The following OPCML variants were observed in gnomAD, a reference collection of about 807,000 sequenced individuals.
OPCML encodes opioid binding protein/cell adhesion molecule like.
A neutral mutation model predicts 37.8 loss-of-function variants in OPCML; 13 were observed. The observed-to-expected ratio is 0.34, with a 90% CI of 0.22 to 0.55. The LOEUF (loss-of-function observed/expected upper bound fraction) is 0.55. OPCML is among the 20% of genes least tolerant of loss of function. The probability of loss-of-function intolerance (pLI) is 0.91; values close to 1 mark genes in which losing one functional copy is unlikely to be tolerated. For synonymous variants in OPCML, 176 were observed against 168.8 expected (o/e 1.04, Z -0.33); for missense variants, 341 against 435.6 (o/e 0.78, Z 1.93).
At chr11:132,674,966 G>T (rs528422364) in intron 2 of OPCML, among the ~76,000 whole-genome samples, 38 of 152,004 alleles carry the variant, frequency 2.5e-4, no homozygotes, top group African/African-American at 8.9e-4. Flanking sequence ...TCCACTTACC[G>T]TTTTTAAATC....
chr11:133,299,925 G>A (rs556010240), intron 1 of OPCML: 1 of 152,242 alleles, frequency 6.6e-6, no homozygotes, highest in South Asian at 2.1e-4. Context: ...GAAGTTGAGG[G>A]TCCTTGGTAT....
At chr11:132,469,351 C>T (rs1237675390) in intron 4 of OPCML, among the ~76,000 whole-genome samples, 1 of 152,100 alleles carries the variant, frequency 6.6e-6, no homozygotes, top group East Asian at 1.9e-4. Context: ...CAGGGCAGGG[C>T]TCACACATGT....
At chr11:132,996,527 G>C (rs193216120) in intron 1 of OPCML, among the ~76,000 whole-genome samples, 1 of 149,870 alleles carries the variant, frequency 6.7e-6, no homozygotes, top group African/African-American at 2.5e-5. Flanking sequence ...CAAAAGAATC[G>C]CTTGAACCCG....
At chr11:132,533,872 A>C (rs1345915635) in intron 3 of OPCML, among the ~76,000 whole-genome samples, 1 of 152,146 alleles carries the variant, frequency 6.6e-6, no homozygotes, top group Non-Finnish European at 1.5e-5. Context: ...TTCCCAAGAC[A>C]ATCTTGTTTA....
At chr11:132,984,140 T>C (rs1047432055) in intron 1 of OPCML, among the ~76,000 whole-genome samples, 1 of 152,196 alleles carries the variant, frequency 6.6e-6, no homozygotes, top group African/African-American at 2.4e-5. Context: ...CCAGAAAGCT[T>C]AGTGACTATT....
At position 133,211,126 on chromosome 11, in the gene OPCML, A is replaced by G. The variant is rs1223768935; in HGVS notation, c.62-268116T>C. ...CCCACTGCAACTCAGCTTTCTAATC[A>G]TTCGTGATTGATGAGCCTGCCAGAA... On this transcript the variant is annotated intron_variant, in intron 1 of 7. Transcript: ENST00000524381. This position sits in a 1 kb window ranked among gnomAD's most constrained non-coding sequence, Gnocchi z 4.1. Among the ~76,000 whole-genome samples the G allele has an allele frequency of 1.3e-5, 2 of 152,216 alleles. No homozygotes were observed. Among genetic ancestry groups the G allele is most frequent in the Non-Finnish European group, 2.9e-5 (2 of 68,040 alleles).
intron 1 of OPCML, among the ~76,000 whole-genome samples, chr11:133,491,680 T>A (rs1947663978): frequency 6.6e-6 from 1 of 152,146 alleles, no homozygotes; most frequent in Non-Finnish European, 1.5e-5. Flanking sequence ...ATGATGAGGT[T>A]TGAAATCTTC....
chr11:133,115,426 C>T lies in OPCML; in HGVS notation c.62-172416G>A, dbSNP rs560824050. On this transcript the variant is annotated intron_variant, in intron 1 of 7. Transcript: ENST00000524381. ...GGAACCGATCTCCCCGGAGTAGATT[C>T]AGTGCCTAGAATTTCTACGGAAGCC... 1.5e-4 allele frequency among the ~76,000 whole-genome samples: 23 copies of T among 152,314 alleles called. No homozygotes were observed. In the South Asian group the frequency reaches 4.8e-3, roughly 32 times the overall value.
chr11:133,011,378 T>C (rs1255016389), intron 1 of OPCML, among the ~76,000 whole-genome samples: 2 of 152,172 alleles, frequency 1.3e-5, no homozygotes, highest in African/African-American at 2.4e-5. Context: ...ACTGCAGGTG[T>C]TGAGGCTGCA....
At chr11:132,571,535 T>C (rs1021874032) in intron 3 of OPCML, among the ~76,000 whole-genome samples, 2 of 152,200 alleles carry the variant, frequency 1.3e-5, no homozygotes, top group African/African-American at 4.8e-5. Context: ...TTTGTCTTTC[T>C]GTGTCTAGCT....
rs1181204912 is a variant in OPCML, at chr11:133,022,918, C to T, written c.62-79908G>A. 2.0e-5 allele frequency among the ~76,000 whole-genome samples: 3 copies of T among 152,172 alleles called. No homozygotes were observed. The East Asian group carries it at 5.8e-4, about 29-fold the overall frequency. On this transcript the variant is annotated intron_variant, in intron 1 of 7. Coordinates refer to ENST00000524381, the MANE Select transcript of OPCML (RefSeq NM_001012393.5). ...GAGAGGAAATGCTTGGAATCATGGG[C>T]TCTTGCTAGCAATACAGGGAATGCT...
intron 1 of OPCML, among the ~76,000 whole-genome samples, chr11:132,970,793 C>A (rs1232967736): frequency 6.6e-6 from 1 of 152,128 alleles, no homozygotes; most frequent in Admixed American, 6.5e-5. Context: ...TTAAATCTTA[C>A]CTTCCTCTAG....
At chr11:133,101,367 T>C (rs1245090606) in intron 1 of OPCML, among the ~76,000 whole-genome samples, 3 of 152,180 alleles carry the variant, frequency 2.0e-5, no homozygotes, top group Non-Finnish European at 4.4e-5. Context: ...TGGGAGAAAA[T>C]ATTTGTTAAA....
At chr11:132,809,441 T>A (rs191119616) in intron 2 of OPCML, among the ~76,000 whole-genome samples, 18 of 152,300 alleles carry the variant, frequency 1.2e-4, no homozygotes, top group African/African-American at 3.4e-4. Flanking sequence ...CCAGGCCAAG[T>A]GCTAAGTGCT....
intron 1 of OPCML, among the ~76,000 whole-genome samples, chr11:133,350,237 C>T (rs1241038346): frequency 6.6e-6 from 1 of 152,158 alleles, no homozygotes; most frequent in African/African-American, 2.4e-5. Flanking sequence ...AATTTAAGTG[C>T]CACTGGGATC....
chr11:132,751,516 G>A (rs1334224208), intron 2 of OPCML, among the ~76,000 whole-genome samples: 1 of 152,190 alleles, frequency 6.6e-6, no homozygotes, highest in Admixed American at 6.5e-5. Context: ...ATCTGCATAT[G>A]GTAAGAGTCT....
intron 2 of OPCML, among the ~76,000 whole-genome samples, chr11:132,711,174 A>T (rs187768854): frequency 7.2e-4 from 110 of 152,324 alleles, no homozygotes; most frequent in African/African-American, 2.4e-3. Context: ...AATGACAGGG[A>T]TATTTTAAAA....
At chr11:132,703,237 G>A (rs1943900535) in intron 2 of OPCML, among the ~76,000 whole-genome samples, 1 of 152,080 alleles carries the variant, frequency 6.6e-6, no homozygotes, top group Admixed American at 6.6e-5. Flanking sequence ...TAGGCTATAG[G>A]CATGTTGTTA....
chr11:133,237,353 G>A (rs1208160094), intron 1 of OPCML, among the ~76,000 whole-genome samples: 1 of 152,194 alleles, frequency 6.6e-6, no homozygotes, highest in East Asian at 1.9e-4. Context: ...GACAAAGCAA[G>A]GGTTCAGTGA....
Sources: allele counts gnomAD v4.1 joint callset (sites outside exome capture counted in the v4.1 genomes callset), GRCh38; gene constraint gnomAD v4.1.1; non-coding constraint Gnocchi (gnomAD v3.1); transcripts MANE v1.5; gene names NCBI Gene and HGNC (gene_info 2026-07-23, HGNC 2026-07-21).